The following ANK3 variants were observed in gnomAD, a reference collection of about 807,000 sequenced individuals.
ANK3 encodes ankyrin 3.
Under a neutral mutation model 370.9 loss-of-function variants are expected in ANK3, and 57 were observed. That is an observed-to-expected ratio of 0.15 (90% CI 0.12 to 0.19). The LOEUF (loss-of-function observed/expected upper bound fraction) is 0.19, where lower values mean the gene tolerates loss of function less well. ANK3 is among the 10% of genes least tolerant of loss of function. The pLI is 1.00. For synonymous variants in ANK3, 1,929 were observed against 1,946.3 expected, an observed-to-expected ratio of 0.99 and a Z score of 0.23; for missense variants, 4,439 against 5,302.1, an observed-to-expected ratio of 0.84 and a Z score of 5.06.
chr10:60,290,180 T>C (rs1011854880), intron 1 of ANK3, among the ~76,000 whole-genome samples: 1 of 152,232 alleles, frequency 6.6e-6, no homozygotes, highest in Non-Finnish European at 1.5e-5. Flanking sequence ...ATTCATACTA[T>C]AATCTGCCGT....
At chr10:60,174,134 T>C (rs1448023709) in intron 18 of ANK3, among the ~76,000 whole-genome samples, 1 of 152,170 alleles carries the variant, frequency 6.6e-6, no homozygotes, top group African/African-American at 2.4e-5. Flanking sequence ...CTAGAGTCTT[T>C]ATGGTGACCC....
chr10:60,304,801 T>C (rs2044634042), intron 1 of ANK3, among the ~76,000 whole-genome samples: 1 of 152,188 alleles, frequency 6.6e-6, no homozygotes, highest in African/African-American at 2.4e-5. Flanking sequence ...GGTTGTTCAT[T>C]ATTCACTGCC....
rs1397449151 is a variant in ANK3 at position 60,660,503 on chromosome 10, A to G, written c.58-45279T>C. On this transcript the variant is annotated intron_variant, in intron 1 of 43. Coordinates refer to the ANK3 transcript ENST00000373827. ...GCTCTTCATTTTTTCTGTGGATCCA[A>G]GTTGCCCCTGTTGTCATTTCCCTTC... 4.6e-5 allele frequency among the ~76,000 whole-genome samples: 7 copies of G among 152,104 alleles called. No homozygotes were observed. In the East Asian group the frequency reaches 1.2e-3, roughly 25 times the overall value.
chr10:60,389,543 C>T lies in ANK3; in HGVS notation c.-5G>A. 1 of 1,613,214 alleles carries T rather than the reference C, an allele frequency of 6.2e-7. No individual in the cohort carries two copies. The highest frequency in any genetic ancestry group is 8.5e-7 in the Non-Finnish European group (1 of 1,179,758). ...TTGTGAGGCTGCATGAGCCATAATGCATTTAAAAAGATCCTCTCAAGCACA... is the reference window on the plus strand; with the variant it reads ...TTGTGAGGCTGCATGAGCCATAATGTATTTAAAAAGATCCTCTCAAGCACA... On this transcript the variant is annotated 5_prime_UTR_variant, in exon 1 of 44. The change abolishes an upstream ATG in the 5' untranslated region. Coordinates refer to ENST00000280772, the MANE Select transcript of ANK3 (RefSeq NM_020987.5).
chr10:60,352,222 G>A (rs2056994442), intron 1 of ANK3, among the ~76,000 whole-genome samples: 3 of 152,196 alleles, frequency 2.0e-5, no homozygotes, highest in African/African-American at 7.2e-5. Flanking sequence ...TTGAGCCCAG[G>A]AGGCGGAGGG....
chr10:60,321,872 T>C (rs1038413371), intron 1 of ANK3, among the ~76,000 whole-genome samples: 4 of 152,224 alleles, frequency 2.6e-5, no homozygotes, highest in Non-Finnish European at 1.5e-5. Context: ...TTCAATTTTT[T>C]TTCAATATAC....
intron 1 of ANK3, among the ~76,000 whole-genome samples, chr10:60,379,923 T>G: frequency 6.6e-6 from 1 of 152,060 alleles, no homozygotes; most frequent in East Asian, 1.9e-4. Context: ...ATTATCTTGA[T>G]CTGATCACTT....
intron 1 of ANK3, among the ~76,000 whole-genome samples, chr10:60,671,041 T>A (rs1165474008): frequency 6.6e-6 from 1 of 152,142 alleles, no homozygotes; most frequent in Non-Finnish European, 1.5e-5. Flanking sequence ...GGAACCTGGG[T>A]CGGAAATTAC....
At chr10:60,648,158 C>CTTA (rs1554800552) in intron 1 of ANK3, among the ~76,000 whole-genome samples, 1 of 101,582 alleles carries the variant, frequency 9.8e-6, no homozygotes, top group Non-Finnish European at 1.9e-5. Context: ...TTTTTTTTTC[C>CTTA]TTTTTTTTTT....
chr10:60,302,412 T>C (rs1031598560), intron 1 of ANK3, among the ~76,000 whole-genome samples: 16 of 152,156 alleles, frequency 1.1e-4, no homozygotes, highest in Non-Finnish European at 1.8e-4. Flanking sequence ...ACATGATATA[T>C]TATATCAGCT....
chr10:60,491,163 C>T (rs1454098505), intron 2 of ANK3, among the ~76,000 whole-genome samples: 1 of 146,792 alleles, frequency 6.8e-6, no homozygotes. Context: ...GAATATAGCA[C>T]ACTATTCATC....
At chr10:60,369,767 TATCTA>T (rs1241703513) in intron 1 of ANK3, among the ~76,000 whole-genome samples, 1 of 152,206 alleles carries the variant, frequency 6.6e-6, no homozygotes, top group East Asian at 1.9e-4. Context: ...CTTCGACTCT[TATCTA>T]AGATAAACTC....
chr10:60,114,083 T>C (rs2092914803), intron 26 of ANK3, 142 bp downstream of exon 26: 1 of 377,338 alleles, frequency 2.7e-6, no homozygotes. Context: ...TACAAATACA[T>C]CTCACATATA....
At chr10:60,087,364 C>A (rs907814410) in intron 29 of ANK3, among the ~76,000 whole-genome samples, 1 of 152,202 alleles carries the variant, frequency 6.6e-6, no homozygotes, top group African/African-American at 2.4e-5. Context: ...TCTTCTACCA[C>A]TTGGTTTCTT....
At chr10:60,657,946 T>A (rs970522855) in intron 1 of ANK3, among the ~76,000 whole-genome samples, 1 of 152,062 alleles carries the variant, frequency 6.6e-6, no homozygotes, top group Non-Finnish European at 1.5e-5. Flanking sequence ...TTATTTTGAC[T>A]GTTTCATTAT....
chr10:60,357,006 G>A (rs2057859825), intron 1 of ANK3, among the ~76,000 whole-genome samples: 1 of 152,164 alleles, frequency 6.6e-6, no homozygotes, highest in Non-Finnish European at 1.5e-5. Flanking sequence ...ACCGTGCCTG[G>A]CCCACCAGAC....
At chr10:60,639,472 A>G (rs1179475040) in intron 1 of ANK3, among the ~76,000 whole-genome samples, 2 of 151,330 alleles carry the variant, frequency 1.3e-5, no homozygotes, top group Non-Finnish European at 3.0e-5. Flanking sequence ...GCAATATTAT[A>G]TATATTTATA....
At chr10:60,636,431 C>G (rs569171187) in intron 1 of ANK3, among the ~76,000 whole-genome samples, 1 of 152,158 alleles carries the variant, frequency 6.6e-6, no homozygotes, top group Non-Finnish European at 1.5e-5. Context: ...TAACGTTGTC[C>G]AACTTTCTTC....
At chr10:60,188,589 C>T (rs974831570) in intron 16 of ANK3, among the ~76,000 whole-genome samples, 1 of 152,148 alleles carries the variant, frequency 6.6e-6, no homozygotes, top group African/African-American at 2.4e-5. Context: ...GCACCCAGTA[C>T]TCAGCCATCC....
Sources: gnomAD v4.1 joint callset for allele counts (sites outside exome capture counted in the v4.1 genomes callset) on GRCh38, gnomAD v4.1.1 for gene constraint, MANE v1.5 for transcripts, NCBI Gene and HGNC (gene_info 2026-07-23, HGNC 2026-07-21) for gene names.